FAM47E: variants seen among roughly 807,000 people sequenced by gnomAD.
The protein encoded by FAM47E is family with sequence similarity 47 member E.
In FAM47E, 32 loss-of-function variants were observed where a neutral mutation model predicts 41.6. The ratio of observed to expected loss-of-function variants is 0.77; its 90% confidence interval spans 0.58 to 1.03. The LOEUF (loss-of-function observed/expected upper bound fraction) is 1.03, where lower values mean the gene tolerates loss of function less well. Among genes scored for constraint, FAM47E ranks in the 50% least tolerant of loss-of-function variants. The probability of loss-of-function intolerance (pLI) is 0.00; values close to 1 mark genes in which losing one functional copy is unlikely to be tolerated. For synonymous variants in FAM47E, 184 were observed against 188.7 expected (o/e 0.98, Z 0.20); for missense variants, 424 against 485.4 (o/e 0.87, Z 1.19).
chr4:76,280,149 G>A (rs979992038), intron 6 of FAM47E, 115 bp from the exon 7 acceptor site: 6 of 638,564 alleles, frequency 9.4e-6, no homozygotes, highest in South Asian at 2.1e-5. Context: ...AAAACAAGAA[G>A]GATATGGGTT....
rs370796531 is a variant in FAM47E at position 76,252,635 on chromosome 4, A to G, written c.74+815A>G. Reference sequence around the variant, plus strand: ...GCACATGTAAAGTTGTCACTGGCACATAGAACGTATCGTGTACATGTTAGC... The same window carrying G: ...GCACATGTAAAGTTGTCACTGGCACGTAGAACGTATCGTGTACATGTTAGC... On this transcript the variant is annotated intron_variant, in intron 1 of 7. Transcript: ENST00000424749. Among the ~76,000 whole-genome samples, 9 of 152,314 alleles carry G rather than the reference A, an allele frequency of 5.9e-5. No homozygotes were observed. The East Asian group carries it at 9.6e-4, about 16-fold the overall frequency.
chr4:76,280,232 A>G lies in FAM47E; in HGVS notation c.1027-32A>G, dbSNP rs138369683. The G allele has an allele frequency of 1.5e-4, 195 of 1,339,704 alleles. 1 individual carries two copies. In the African/African-American group the frequency reaches 2.4e-3, roughly 16 times the overall value. 83.0% of individuals were successfully genotyped at this position (1,339,704 alleles called of 1,614,324 possible). A position where few individuals can be genotyped will look rare whatever the true frequency, so the allele number is the denominator to read the frequency against. ...TATGAAATCAAGCTTCTGATGGCTG[A>G]CCCCTTTCTTCAAATGTGGGTACTC... On this transcript the variant is annotated intron_variant, in intron 6 of 7. Transcript: ENST00000424749.
At chr4:76,232,322 A>G (rs959882608) in intron 2 of FAM47E, among the ~76,000 whole-genome samples, 5 of 152,266 alleles carry the variant, frequency 3.3e-5, no homozygotes, top group East Asian at 1.9e-4. Context: ...AGTCCTGTAC[A>G]TTTTCCTTTA....
At chr4:76,282,839 G>C (rs1735412475) in intron 7 of FAM47E, 1 of 152,036 alleles carries the variant, frequency 6.6e-6, no homozygotes, top group Non-Finnish European at 1.5e-5. Flanking sequence ...CTCTATCACA[G>C]GGAATAAGAT....
Position 76,283,564 on chromosome 4 carries a change from G to T in FAM47E, c.*106G>T. 1 of 681,502 alleles carries T rather than the reference G, an allele frequency of 1.5e-6. No individual in the cohort carries two copies. Among genetic ancestry groups the T allele is most frequent in the Non-Finnish European group, 2.5e-6 (1 of 395,248 alleles). The allele number at this position is 681,502 out of a possible 1,614,324, so 42.2% of individuals were successfully genotyped here. A position where few individuals can be genotyped will look rare whatever the true frequency, so the allele number is the denominator to read the frequency against. The stretch of plus-strand genomic sequence containing the variant: ...GAGTTTATGATGAGTGTCCCACTGT[G>T]GATGTTCAACTTTGACTTGGCAACA... On this transcript the variant is annotated 3_prime_UTR_variant, in exon 8 of 8. Transcript: ENST00000424749.
intron 1 of FAM47E, among the ~76,000 whole-genome samples, chr4:76,215,761 A>T (rs1169057158): frequency 6.6e-6 from 1 of 152,042 alleles, no homozygotes; most frequent in Non-Finnish European, 1.5e-5. Flanking sequence ...CTGTGGGGAG[A>T]AGCCCTGAGT....
chr4:76,257,061 A>G (rs1212162307), intron 2 of FAM47E, among the ~76,000 whole-genome samples: 1 of 152,114 alleles, frequency 6.6e-6, no homozygotes, highest in African/African-American at 2.4e-5. Flanking sequence ...CTTTAGCTCT[A>G]TATCCTTAGT....
intron 2 of FAM47E, among the ~76,000 whole-genome samples, chr4:76,231,650 T>C (rs767092925): frequency 9.2e-5 from 14 of 152,214 alleles, no homozygotes; most frequent in Non-Finnish European, 1.9e-4. Context: ...GCAAAGGCCT[T>C]TCGGATTGGC....
At chr4:76,252,011 T>TC (rs1370221043) in intron 1 of FAM47E, among the ~76,000 whole-genome samples, 191 bp downstream of exon 1, 3 of 152,068 alleles carry the variant, frequency 2.0e-5, no homozygotes, top group African/African-American at 7.2e-5. Flanking sequence ...AAAGGATTTT[T>TC]CCTGCTGTCA....
intron 4 of FAM47E, among the ~76,000 whole-genome samples, chr4:76,269,995 T>C (rs567340048): frequency 6.6e-6 from 1 of 152,196 alleles, no homozygotes; most frequent in African/African-American, 2.4e-5. Flanking sequence ...TTTTAGTCAA[T>C]GTATTTTTTT....
chr4:76,239,382 C>T (rs1733660306), intron 2 of FAM47E, among the ~76,000 whole-genome samples: 1 of 152,118 alleles, frequency 6.6e-6, no homozygotes, highest in Non-Finnish European at 1.5e-5. Context: ...CACATCCTTG[C>T]CAACACTTAT....
intron 2 of FAM47E, among the ~76,000 whole-genome samples, chr4:76,230,508 A>G (rs1368464282): frequency 3.3e-5 from 5 of 152,168 alleles, no homozygotes; most frequent in African/African-American, 7.2e-5. Context: ...ACGATGGGCC[A>G]TGGCTCCTGT....
chr4:76,259,663 T>G (rs12646634), intron 2 of FAM47E, among the ~76,000 whole-genome samples: 12,979 of 152,242 alleles, frequency 0.085, 938 homozygotes, highest in East Asian at 0.37. Flanking sequence ...CTTCTAAAAG[T>G]GAACCTGAAA....
At chr4:76,259,172 C>T (rs1734304375) in intron 2 of FAM47E, among the ~76,000 whole-genome samples, 1 of 152,194 alleles carries the variant, frequency 6.6e-6, no homozygotes, top group Non-Finnish European at 1.5e-5. Context: ...ATTTATGCCT[C>T]TTCACATATA....
At chr4:76,256,728 C>T (rs552673928) in intron 2 of FAM47E, among the ~76,000 whole-genome samples, 1 of 152,336 alleles carries the variant, frequency 6.6e-6, no homozygotes, top group Non-Finnish European at 1.5e-5. Context: ...AACATGCACA[C>T]TGCTCTCTTT....
chr4:76,277,536 T>C (rs1301230281), intron 5 of FAM47E, among the ~76,000 whole-genome samples: 1 of 137,018 alleles, frequency 7.3e-6, no homozygotes, highest in African/African-American at 2.8e-5. Context: ...AGCTTGGTGT[T>C]AGCAGTTTGA....
chr4:76,274,664 C>T (rs1005941336), intron 5 of FAM47E, among the ~76,000 whole-genome samples: 4 of 152,170 alleles, frequency 2.6e-5, no homozygotes, highest in African/African-American at 9.7e-5. Context: ...TCTGTGTGTT[C>T]TGCCTAGTGT....
intron 1 of FAM47E, 114 bp from the exon 2 acceptor site, chr4:76,256,064 C>A: frequency 8.1e-7 from 1 of 1,230,064 alleles, no homozygotes; most frequent in Non-Finnish European, 1.1e-6. Context: ...TACCCCCAAC[C>A]CTAAAAGCTG....
At chr4:76,270,744 A>G (rs1212362738) in intron 4 of FAM47E, among the ~76,000 whole-genome samples, 2 of 152,116 alleles carry the variant, frequency 1.3e-5, no homozygotes, top group Non-Finnish European at 2.9e-5. Context: ...CTGTCATCCC[A>G]CAAGCTGGGT....
Sources: gnomAD v4.1 joint callset for allele counts (sites outside exome capture counted in the v4.1 genomes callset) on GRCh38, gnomAD v4.1.1 for gene constraint, MANE v1.5 for transcripts, NCBI Gene and HGNC (gene_info 2026-07-23, HGNC 2026-07-21) for gene names.